NPAS3: variants seen among roughly 807,000 people sequenced by gnomAD.
NPAS3 encodes neuronal PAS domain protein 3, also known as neuronal PAS domain-containing protein 3.
In NPAS3, 14 loss-of-function variants were observed where a neutral mutation model predicts 73.1. The observed-to-expected ratio is 0.19, with a 90% CI of 0.13 to 0.30. NPAS3 has a LOEUF of 0.30. NPAS3 is among the 10% of genes least tolerant of loss of function. The pLI is 1.00. For missense variants in NPAS3, 1,096 were observed against 1,250.0 expected (o/e 0.88, Z 1.86); for synonymous variants, 620 against 541.5 (o/e 1.14, Z -2.01).
chr14:33,085,706 A>G (rs758370951), intron 2 of NPAS3, among the ~76,000 whole-genome samples: 24 of 152,130 alleles, frequency 1.6e-4, no homozygotes, highest in Admixed American at 3.9e-4. Context: ...AAGACATTTT[A>G]TGTTGATATT....
chr14:33,543,988 T>TC (rs1427992989), intron 4 of NPAS3, among the ~76,000 whole-genome samples: 1 of 39,088 alleles, frequency 2.6e-5, no homozygotes, highest in East Asian at 6.6e-4. Flanking sequence ...TATATATATA[T>TC]ATATATATAT....
At chr14:33,736,754 A>G (rs1410139179) in intron 7 of NPAS3, among the ~76,000 whole-genome samples, 1 of 151,876 alleles carries the variant, frequency 6.6e-6, no homozygotes, top group Non-Finnish European at 1.5e-5. Context: ...ACCTTTATTC[A>G]TTTTTACTGG....
chr14:33,543,159 T>G (rs768126693), intron 4 of NPAS3, among the ~76,000 whole-genome samples: 6 of 152,088 alleles, frequency 3.9e-5, no homozygotes, highest in Non-Finnish European at 5.9e-5. Flanking sequence ...CTTTCTGTGT[T>G]CTCATGACCC....
intron 1 of NPAS3, among the ~76,000 whole-genome samples, chr14:33,008,290 AT>A (rs2039070905): frequency 6.6e-6 from 1 of 152,190 alleles, no homozygotes; most frequent in Non-Finnish European, 1.5e-5. Context: ...CCCCAGCACT[AT>A]TTCTTGAGGG....
intron 4 of NPAS3, among the ~76,000 whole-genome samples, chr14:33,490,612 T>C (rs10483448): frequency 0.036 from 5,534 of 152,230 alleles, 345 homozygotes; most frequent in African/African-American, 0.12. Context: ...TTGGTTGTCA[T>C]GTCATTTTTA....
intron 1 of NPAS3, among the ~76,000 whole-genome samples, chr14:32,991,577 T>A (rs1252807522): frequency 6.6e-6 from 1 of 152,166 alleles, no homozygotes. Flanking sequence ...AAATAACACA[T>A]GTAATTCATT....
intron 1 of NPAS3, among the ~76,000 whole-genome samples, chr14:32,999,368 A>G (rs557592594): frequency 3.9e-5 from 6 of 152,028 alleles, no homozygotes; most frequent in Non-Finnish European, 8.8e-5. Flanking sequence ...AAAATTGGCT[A>G]GGCGTGGTGG....
chr14:33,525,013 C>T (rs998549329), intron 4 of NPAS3, among the ~76,000 whole-genome samples: 1 of 152,118 alleles, frequency 6.6e-6, no homozygotes, highest in Admixed American at 6.6e-5. Flanking sequence ...AGTACTTTAA[C>T]ATATGAATTT....
intron 2 of NPAS3, among the ~76,000 whole-genome samples, chr14:33,163,191 C>T (rs764153208): frequency 7.2e-5 from 11 of 152,220 alleles, no homozygotes; most frequent in Admixed American, 2.6e-4. Flanking sequence ...CCAATTACCT[C>T]AAGGTGTTTA....
intron 6 of NPAS3, among the ~76,000 whole-genome samples, chr14:33,711,508 T>C (rs1431661912): frequency 1.3e-5 from 2 of 152,182 alleles, no homozygotes; most frequent in Admixed American, 1.3e-4. Context: ...TTCTGTAAGA[T>C]TCAGCCAGAG....
intron 9 of NPAS3, among the ~76,000 whole-genome samples, chr14:33,783,565 GTAT>G (rs958586680): frequency 7.6e-4 from 95 of 124,492 alleles, no homozygotes; most frequent in Non-Finnish European, 4.8e-5. Context: ...GGATGAATTT[GTAT>G]TATTTTGTCT....
chr14:33,576,297 G>A (rs2056430852), intron 5 of NPAS3, among the ~76,000 whole-genome samples: 2 of 152,106 alleles, frequency 1.3e-5, no homozygotes, highest in East Asian at 3.9e-4. Flanking sequence ...GTTCCACCAC[G>A]ATTCTCAGAG....
rs571798537 is a variant in NPAS3 at position 33,223,700 on chromosome 14, G to A, written c.385+8274G>A. On this transcript the variant is annotated intron_variant, in intron 3 of 11. Transcript: ENST00000356141. ...TTGGACTATATGGTTTCTTGAAGCC[G>A]TTTATTAATAATTTCAAAAGCCACA... Among the ~76,000 whole-genome samples the A allele has an allele frequency of 2.0e-4, 31 of 152,116 alleles. No individual in the cohort carries two copies. The South Asian group carries it at 4.2e-3, about 20-fold the overall frequency.
At chr14:33,627,429 G>GA (rs2058253119) in intron 5 of NPAS3, among the ~76,000 whole-genome samples, 4 of 150,780 alleles carry the variant, frequency 2.7e-5, no homozygotes, top group Middle Eastern at 3.4e-3. Flanking sequence ...GCACCTAACT[G>GA]AAAAAAAAAT....
At chr14:33,647,708 C>T (rs1459414379) in intron 5 of NPAS3, among the ~76,000 whole-genome samples, 1 of 152,106 alleles carries the variant, frequency 6.6e-6, no homozygotes, top group Non-Finnish European at 1.5e-5. Flanking sequence ...AGATTTGAAG[C>T]ATTCAGGGGT....
chr14:33,629,166 C>T (rs764159078), intron 5 of NPAS3, among the ~76,000 whole-genome samples: 8 of 148,222 alleles, frequency 5.4e-5, no homozygotes, highest in East Asian at 2.0e-4. Context: ...GCCCCGGAGG[C>T]GAAGTTTGCA....
chr14:33,086,935 G>A (rs757925564), intron 2 of NPAS3, among the ~76,000 whole-genome samples: 1 of 151,886 alleles, frequency 6.6e-6, no homozygotes, highest in Non-Finnish European at 1.5e-5. Flanking sequence ...TGGGGCCAGG[G>A]CCTCAATTTT....
chr14:33,219,080 C>G (rs373421021), intron 3 of NPAS3, among the ~76,000 whole-genome samples: 1 of 152,096 alleles, frequency 6.6e-6, no homozygotes, highest in African/African-American at 2.4e-5. Flanking sequence ...GAACATTATG[C>G]GTTATTCAAG....
At chr14:33,329,950 T>C (rs2043905723) in intron 3 of NPAS3, among the ~76,000 whole-genome samples, 1 of 152,108 alleles carries the variant, frequency 6.6e-6, no homozygotes, top group Admixed American at 6.5e-5. Flanking sequence ...TTGACACATA[T>C]TAGGAAAAAT....
Sources: gnomAD v4.1 joint callset for allele counts (sites outside exome capture counted in the v4.1 genomes callset) on GRCh38, gnomAD v4.1.1 for gene constraint, MANE v1.5 for transcripts, NCBI Gene and HGNC (gene_info 2026-07-23, HGNC 2026-07-21) for gene names.